Variants in NRG1 observed in about 807,000 individuals in gnomAD.
The protein encoded by NRG1 is pro-neuregulin-1, membrane-bound isoform.
A neutral mutation model predicts 63.8 loss-of-function variants in NRG1; 18 were observed. The observed-to-expected ratio is 0.28, with a 90% CI of 0.19 to 0.42. The LOEUF is 0.42. NRG1 is among the 10% of genes least tolerant of loss of function. The pLI, the probability that NRG1 is intolerant of heterozygous loss-of-function variation, is 1.00. For missense variants in NRG1, 762 were observed against 814.7 expected (o/e 0.94, Z 0.79); for synonymous variants, 302 against 301.3 (o/e 1.00, Z -0.02).
At chr8:32,488,857 C>A (rs1456546294) in intron 1 of NRG1, among the ~76,000 whole-genome samples, 1 of 152,134 alleles carries the variant, frequency 6.6e-6, no homozygotes, top group Non-Finnish European at 1.5e-5. Context: ...TGGCCCATGG[C>A]TGGGATTGTT....
At chr8:32,743,358 G>A (rs1826779367) in intron 7 of NRG1, 2 of 310,564 alleles carry the variant, frequency 6.4e-6, no homozygotes, top group South Asian at 1.3e-4. Flanking sequence ...CGTTGCTTAG[G>A]GAACAAGTAA....
chr8:32,394,192 T>G (rs1264027517), intron 1 of NRG1, among the ~76,000 whole-genome samples: 3 of 152,208 alleles, frequency 2.0e-5, no homozygotes, highest in African/African-American at 4.8e-5. Context: ...ATCTCTCACC[T>G]TTATCTTTAC....
At chr8:32,017,307 TG>T (rs1475390281) in intron 1 of NRG1, among the ~76,000 whole-genome samples, 2 of 152,030 alleles carry the variant, frequency 1.3e-5, no homozygotes, top group Non-Finnish European at 2.9e-5. Flanking sequence ...AGACTCGGAG[TG>T]GAAAAAACAC....
intron 5 of NRG1, among the ~76,000 whole-genome samples, chr8:32,695,426 A>C (rs1336460056): frequency 6.6e-6 from 1 of 152,062 alleles, no homozygotes; most frequent in Admixed American, 6.5e-5. Context: ...AGAAAAAAAG[A>C]AAAAGACTGA....
chr8:32,402,786 T>C (rs576156293), intron 1 of NRG1, among the ~76,000 whole-genome samples: 2 of 152,304 alleles, frequency 1.3e-5, no homozygotes, highest in South Asian at 4.1e-4. Flanking sequence ...TTGTTAGATC[T>C]TCTATCTGTT....
At chr8:32,280,989 G>GACCACCC (rs1041371769) in intron 1 of NRG1, among the ~76,000 whole-genome samples, 1 of 150,932 alleles carries the variant, frequency 6.6e-6, no homozygotes, top group Non-Finnish European at 1.5e-5. Context: ...TCGATCTCCT[G>GACCACCC]ACCTCGTGAT....
At chr8:32,727,906 A>G (rs1822611338) in intron 5 of NRG1, 43 bp from the exon 6 acceptor site, 2 of 1,595,796 alleles carry the variant, frequency 1.3e-6, no homozygotes, top group South Asian at 1.1e-5. Context: ...TAGAAGGGGG[A>G]AAAAAAGTCC....
chr8:32,295,301 A>G (rs938001583), intron 1 of NRG1, among the ~76,000 whole-genome samples: 1 of 152,176 alleles, frequency 6.6e-6, no homozygotes, highest in Non-Finnish European at 1.5e-5. Flanking sequence ...AAATTTTATT[A>G]TGGATCTGAA....
intron 1 of NRG1, among the ~76,000 whole-genome samples, chr8:31,670,958 G>A (rs557313315): frequency 7.9e-5 from 12 of 152,068 alleles, no homozygotes; most frequent in South Asian, 2.1e-4. Context: ...CCCTTCTCTC[G>A]CCCTCAATCC....
chr8:32,066,484 G>T (rs540406587), intron 1 of NRG1, among the ~76,000 whole-genome samples: 2 of 152,274 alleles, frequency 1.3e-5, no homozygotes, highest in East Asian at 3.9e-4. Flanking sequence ...GTTTGTCAAA[G>T]ATCAGATAGT....
intron 1 of NRG1, among the ~76,000 whole-genome samples, chr8:32,358,965 GTTTGT>G (rs754891414): frequency 1.1e-4 from 16 of 152,216 alleles, no homozygotes; most frequent in African/African-American, 2.9e-4. Flanking sequence ...GTGAGGTAGG[GTTTGT>G]TTTGTTTTGT....
At chr8:32,464,943 G>A (rs1480020172) in intron 1 of NRG1, among the ~76,000 whole-genome samples, 1 of 152,170 alleles carries the variant, frequency 6.6e-6, no homozygotes, top group Non-Finnish European at 1.5e-5. Context: ...GGGAGGCCGA[G>A]GTGGGTGGAT....
chr8:32,153,257 G>C (rs1837701742), intron 1 of NRG1, among the ~76,000 whole-genome samples: 1 of 152,056 alleles, frequency 6.6e-6, no homozygotes, highest in Admixed American at 6.5e-5. Context: ...GGAAGAAGAA[G>C]CAATCCCAGG....
At chr8:32,588,551 T>C (rs1431412461) in intron 1 of NRG1, among the ~76,000 whole-genome samples, 1 of 152,224 alleles carries the variant, frequency 6.6e-6, no homozygotes, top group Non-Finnish European at 1.5e-5. Flanking sequence ...AATGCTGAAA[T>C]ACTGCCCCCA....
At chr8:32,763,330 A>G in intron 11 of NRG1, 1 of 1,614,010 alleles carries the variant, frequency 6.2e-7, no homozygotes, top group Non-Finnish European at 8.5e-7. Context: ...TTTGGGCTTC[A>G]TTCTCTAAGA....
intron 1 of NRG1, among the ~76,000 whole-genome samples, chr8:31,674,682 T>G (rs1168723726): frequency 6.6e-6 from 1 of 152,176 alleles, no homozygotes; most frequent in African/African-American, 2.4e-5. Flanking sequence ...GCACCTAGTT[T>G]AAACAGATTA....
At chr8:31,785,956 TA>T (rs1443240638) in intron 1 of NRG1, among the ~76,000 whole-genome samples, 2 of 152,222 alleles carry the variant, frequency 1.3e-5, no homozygotes, top group Non-Finnish European at 2.9e-5. Context: ...ATGTTTTAGA[TA>T]TGAAAAATAA....
intron 1 of NRG1, among the ~76,000 whole-genome samples, chr8:31,833,587 T>A (rs1825382991): frequency 6.6e-6 from 1 of 152,162 alleles, no homozygotes; most frequent in Non-Finnish European, 1.5e-5. Flanking sequence ...ATAGGTTTTT[T>A]AATAATAAAA....
intron 9 of NRG1, among the ~76,000 whole-genome samples, chr8:32,758,387 G>A (rs1233623614): frequency 6.6e-6 from 1 of 151,922 alleles, no homozygotes; most frequent in East Asian, 1.9e-4. Context: ...GACCAGCCTG[G>A]CCAACATGGT....
Sources: allele counts gnomAD v4.1 joint callset (sites outside exome capture counted in the v4.1 genomes callset), GRCh38; gene constraint gnomAD v4.1.1; transcripts MANE v1.5; gene names NCBI Gene and HGNC (gene_info 2026-07-23, HGNC 2026-07-21).